The following EYA1 variants were observed in gnomAD, a reference collection of about 807,000 sequenced individuals.
The protein encoded by EYA1 is EYA transcriptional coactivator and phosphatase 1.
A neutral mutation model predicts 82.0 loss-of-function variants in EYA1; 16 were observed. The ratio of observed to expected loss-of-function variants is 0.20; its 90% confidence interval spans 0.13 to 0.30. The LOEUF (loss-of-function observed/expected upper bound fraction) is 0.30. Among genes scored for constraint, EYA1 ranks in the 10% least tolerant of loss-of-function variants. The pLI is 1.00. For synonymous variants in EYA1, 261 were observed against 264.4 expected (o/e 0.99, Z 0.12); for missense variants, 633 against 730.7 (o/e 0.87, Z 1.54).
chr8:71,474,213 AAG>A (rs1809471847), intron 2 of EYA1, among the ~76,000 whole-genome samples: 2 of 151,442 alleles, frequency 1.3e-5, no homozygotes, highest in African/African-American at 4.9e-5. Flanking sequence ...AAAAAAAAAA[AAG>A]AAGATGAAGA....
At chr8:71,494,324 A>C (rs1811253069) in intron 2 of EYA1, among the ~76,000 whole-genome samples, 1 of 152,136 alleles carries the variant, frequency 6.6e-6, no homozygotes, top group African/African-American at 2.4e-5. Context: ...ATGTTAATTC[A>C]CTTAAGAGTT....
intron 8 of EYA1, among the ~76,000 whole-genome samples, 187 bp downstream of exon 8, chr8:71,299,451 C>A (rs935586610): frequency 2.0e-5 from 3 of 152,160 alleles, no homozygotes; most frequent in Admixed American, 1.3e-4. Context: ...TGATGCAATA[C>A]TAGGTAAAAT....
At chr8:71,320,702 T>C (rs985759132) in intron 6 of EYA1, among the ~76,000 whole-genome samples, 2 of 152,172 alleles carry the variant, frequency 1.3e-5, no homozygotes, top group Non-Finnish European at 2.9e-5. Context: ...GAAATTCATA[T>C]ACAGTTGATT....
intron 11 of EYA1, among the ~76,000 whole-genome samples, chr8:71,264,215 A>G (rs1815494938): frequency 6.6e-6 from 1 of 152,180 alleles, no homozygotes; most frequent in South Asian, 2.1e-4. Context: ...CTTCTTCATC[A>G]ACCACCATGG....
chr8:71,249,639 T>C (rs1356359712), intron 11 of EYA1, among the ~76,000 whole-genome samples: 4 of 152,118 alleles, frequency 2.6e-5, no homozygotes, highest in Non-Finnish European at 4.4e-5. Flanking sequence ...ATCAATGACG[T>C]TGGTTCCTAG....
intron 2 of EYA1, among the ~76,000 whole-genome samples, chr8:71,402,011 A>G (rs1019961059): frequency 1.3e-5 from 2 of 152,272 alleles, no homozygotes; most frequent in South Asian, 4.1e-4. Context: ...GCACTGGAAA[A>G]CAGTCTCTGC....
chr8:71,321,115 T>C (rs1354897410), intron 6 of EYA1, among the ~76,000 whole-genome samples: 3 of 152,210 alleles, frequency 2.0e-5, no homozygotes, highest in Admixed American at 6.5e-5. Context: ...TTTACAGGTA[T>C]TGACCCATAA....
At chr8:71,204,987 A>T (rs116603552) in intron 17 of EYA1, among the ~76,000 whole-genome samples, 2,427 of 152,336 alleles carry the variant, frequency 0.016, 43 homozygotes, top group African/African-American at 0.042. Context: ...CTTGGTGTTT[A>T]TAACCTTGAT....
intron 12 of EYA1, among the ~76,000 whole-genome samples, chr8:71,233,400 T>TA (rs1464099533): frequency 6.6e-6 from 1 of 151,842 alleles, no homozygotes; most frequent in Non-Finnish European, 1.5e-5. Flanking sequence ...CCGTCTCTAC[T>TA]AAAAACACAA....
At chr8:71,339,212 T>C (rs1824843285) in intron 3 of EYA1, among the ~76,000 whole-genome samples, 1 of 152,122 alleles carries the variant, frequency 6.6e-6, no homozygotes. Flanking sequence ...ACAGCCTCCC[T>C]TGCCTAGCCT....
intron 11 of EYA1, among the ~76,000 whole-genome samples, chr8:71,252,509 G>A (rs905839733): frequency 6.6e-6 from 1 of 151,994 alleles, no homozygotes; most frequent in Non-Finnish European, 1.5e-5. Flanking sequence ...TATTTTTGAG[G>A]TGACCATATT....
At chr8:71,335,326 C>T (rs1824359999) in intron 3 of EYA1, among the ~76,000 whole-genome samples, 1 of 152,168 alleles carries the variant, frequency 6.6e-6, no homozygotes, top group East Asian at 1.9e-4. Context: ...CTGTTATAAA[C>T]ACCAGGGAAA....
chr8:71,289,305 C>T (rs1489517114), intron 9 of EYA1, among the ~76,000 whole-genome samples: 1 of 152,208 alleles, frequency 6.6e-6, no homozygotes, highest in Non-Finnish European at 1.5e-5. Flanking sequence ...TATCCACAAA[C>T]TGCTTTTATA....
At chr8:71,201,882 C>G (rs542850361) in intron 17 of EYA1, among the ~76,000 whole-genome samples, 6 of 151,952 alleles carry the variant, frequency 3.9e-5, no homozygotes, top group African/African-American at 1.5e-4. Context: ...TTAGGTTTGC[C>G]AATCATTATT....
intron 2 of EYA1, among the ~76,000 whole-genome samples, chr8:71,497,685 A>G (rs1346128309): frequency 6.6e-6 from 1 of 152,192 alleles, no homozygotes; most frequent in Non-Finnish European, 1.5e-5. Flanking sequence ...TAAAAACAGA[A>G]CTACCCTTTG....
At chr8:71,207,447 TA>T (rs1467196184) in intron 17 of EYA1, among the ~76,000 whole-genome samples, 1 of 152,230 alleles carries the variant, frequency 6.6e-6, no homozygotes, top group African/African-American at 2.4e-5. Flanking sequence ...GAAATCGAGA[TA>T]TTGTGAAAAA....
At chr8:71,428,244 G>T (rs1002907284) in intron 2 of EYA1, among the ~76,000 whole-genome samples, 1 of 152,060 alleles carries the variant, frequency 6.6e-6, no homozygotes, top group African/African-American at 2.4e-5. Flanking sequence ...ATGTTTTTTG[G>T]GGGAGGAGAG....
intron 1 of EYA1, 141 bp from the exon 2 acceptor site, chr8:71,356,652 G>A: frequency 7.3e-7 from 1 of 1,367,156 alleles, no homozygotes; most frequent in Non-Finnish European, 9.4e-7. Context: ...AGCAGTGAAA[G>A]GCATATTGTC....
intron 12 of EYA1, among the ~76,000 whole-genome samples, chr8:71,241,913 TA>T (rs1019710198): frequency 4.9e-4 from 75 of 151,968 alleles, no homozygotes; most frequent in African/African-American, 1.8e-3. Context: ...AAATATAAAA[TA>T]AAAGATTGGC....
Sources: gnomAD v4.1 joint callset for allele counts (sites outside exome capture counted in the v4.1 genomes callset) on GRCh38, gnomAD v4.1.1 for gene constraint, MANE v1.5 for transcripts, NCBI Gene and HGNC (gene_info 2026-07-23, HGNC 2026-07-21) for gene names.